CFAP418: variants seen among roughly 807,000 people sequenced by gnomAD.
CFAP418 encodes cilia- and flagella-associated protein 418.
In CFAP418, 27 loss-of-function variants were observed where a neutral mutation model predicts 24.7. That is an observed-to-expected ratio of 1.09 (90% CI 0.81 to 1.51). The LOEUF is 1.51. Ranked by LOEUF, CFAP418 falls within the 40% of genes most tolerant of loss-of-function variation. The probability of loss-of-function intolerance (pLI) is 0.00; values close to 1 mark genes in which losing one functional copy is unlikely to be tolerated. For missense variants in CFAP418, 257 were observed against 255.2 expected, an observed-to-expected ratio of 1.01 and a Z score of -0.05; for synonymous variants, 74 against 87.3, an observed-to-expected ratio of 0.85 and a Z score of 0.85.
At chr8:95,253,704 A>G (rs1293360183) in intron 4 of CFAP418, among the ~76,000 whole-genome samples, 1 of 152,236 alleles carries the variant, frequency 6.6e-6, no homozygotes, top group Non-Finnish European at 1.5e-5. Context: ...ATGAAGTTGC[A>G]TTTCTACATT....
intron 2 of CFAP418, among the ~76,000 whole-genome samples, chr8:95,260,776 C>A (rs1202530894): frequency 6.6e-6 from 1 of 152,038 alleles, no homozygotes. Context: ...TGATATATTG[C>A]CATTATTAGC....
intron 3 of CFAP418, 141 bp from the exon 4 acceptor site, chr8:95,260,046 C>A (rs766299809): frequency 3.0e-5 from 19 of 625,648 alleles, no homozygotes; most frequent in Non-Finnish European, 4.4e-5. Flanking sequence ...AGCAAGCCAA[C>A]CATTTCAAAG....
chr8:95,262,093 A>C (rs533094187), intron 2 of CFAP418, among the ~76,000 whole-genome samples: 1 of 152,278 alleles, frequency 6.6e-6, no homozygotes, highest in East Asian at 1.9e-4. Context: ...AAGGATCAAA[A>C]ATACAGTATT....
At chr8:95,248,451 C>T (rs1333113719) in intron 5 of CFAP418, among the ~76,000 whole-genome samples, 1 of 152,100 alleles carries the variant, frequency 6.6e-6, no homozygotes, top group Admixed American at 6.5e-5. Flanking sequence ...GTTGAGAGAA[C>T]ATTAGAGGCA....
Position 95,252,302 on chromosome 8 carries a change from T to C in CFAP418, c.375-19A>G, listed in dbSNP as rs1040994995. 6 of 1,539,812 alleles carry C rather than the reference T, an allele frequency of 3.9e-6. No homozygotes were observed. Among genetic ancestry groups the C allele is most frequent in the South Asian group, 2.3e-5 (2 of 86,716 alleles). On this transcript the variant is annotated intron_variant, in intron 4 of 5. Transcript: ENST00000286688. The stretch of plus-strand genomic sequence containing the variant: ...ACATGCTCTGTTCAGAGAAAAAAAA[T>C]TGTATATTAAAGATTATTGGTATCT...
chr8:95,265,160 C>T (rs1016461659), intron 1 of CFAP418, among the ~76,000 whole-genome samples: 1 of 152,000 alleles, frequency 6.6e-6, no homozygotes, highest in African/African-American at 2.4e-5. Context: ...TTGTATATTG[C>T]AGGACATTTT....
At chr8:95,259,628 A>C (rs2132161146) in intron 4 of CFAP418, among the ~76,000 whole-genome samples, 2 of 152,268 alleles carry the variant, frequency 1.3e-5, no homozygotes, top group South Asian at 4.2e-4. Context: ...TGGGGCTTAG[A>C]AAAGGGCATA....
intron 4 of CFAP418, among the ~76,000 whole-genome samples, chr8:95,255,807 T>C (rs567398670): frequency 6.6e-6 from 1 of 152,362 alleles, no homozygotes; most frequent in Admixed American, 6.5e-5. Flanking sequence ...TAAGTCAATA[T>C]GCATATATAA....
At chr8:95,253,277 T>C in intron 4 of CFAP418, among the ~76,000 whole-genome samples, 1 of 150,630 alleles carries the variant, frequency 6.6e-6, no homozygotes, top group Admixed American at 6.6e-5. Context: ...GCCACTGCAC[T>C]CCAGCCTGGG....
At chr8:95,261,448 T>C (rs1811890283) in intron 2 of CFAP418, among the ~76,000 whole-genome samples, 1 of 152,146 alleles carries the variant, frequency 6.6e-6, no homozygotes, top group Admixed American at 6.5e-5. Flanking sequence ...AGGTTTGTTG[T>C]TGGTTCCTGG....
chr8:95,256,294 A>G (rs1231037353), intron 4 of CFAP418, among the ~76,000 whole-genome samples: 1 of 152,254 alleles, frequency 6.6e-6, no homozygotes, highest in Non-Finnish European at 1.5e-5. Context: ...ATAAAATGGA[A>G]AACTAGTAGT....
intron 1 of CFAP418, among the ~76,000 whole-genome samples, chr8:95,266,294 T>C (rs922231177): frequency 1.3e-5 from 2 of 152,214 alleles, no homozygotes; most frequent in African/African-American, 4.8e-5. Flanking sequence ...TGAACCACTT[T>C]ATTCCTATTG....
At chr8:95,254,269 C>T (rs1418674486) in intron 4 of CFAP418, among the ~76,000 whole-genome samples, 1 of 152,206 alleles carries the variant, frequency 6.6e-6, no homozygotes, top group Non-Finnish European at 1.5e-5. Context: ...ATTCTCTCCC[C>T]TTTTCCACCA....
intron 2 of CFAP418, among the ~76,000 whole-genome samples, chr8:95,263,477 C>T (rs1396152236): frequency 6.6e-6 from 1 of 152,140 alleles, no homozygotes; most frequent in African/African-American, 2.4e-5. Context: ...ATTTGTTATT[C>T]TTACTGAGAA....
intron 4 of CFAP418, among the ~76,000 whole-genome samples, chr8:95,259,341 T>C (rs1288229549): frequency 6.6e-6 from 1 of 152,098 alleles, no homozygotes; most frequent in Non-Finnish European, 1.5e-5. Flanking sequence ...CAGAAAGAGG[T>C]ACTGAGTGAG....
intron 5 of CFAP418, among the ~76,000 whole-genome samples, chr8:95,249,493 T>C (rs1051123132): frequency 6.6e-6 from 1 of 152,096 alleles, no homozygotes; most frequent in African/African-American, 2.4e-5. Flanking sequence ...TGAGACCCCA[T>C]CTCTACAAAA....
At chr8:95,266,335 T>A (rs568648146) in intron 1 of CFAP418, among the ~76,000 whole-genome samples, 26 of 152,210 alleles carry the variant, frequency 1.7e-4, no homozygotes, top group African/African-American at 4.8e-4. Context: ...CAGTCTTTTT[T>A]AATTTTTTTA....
intron 4 of CFAP418, among the ~76,000 whole-genome samples, chr8:95,253,633 T>C (rs1297289216): frequency 6.6e-6 from 1 of 152,252 alleles, no homozygotes; most frequent in African/African-American, 2.4e-5. Flanking sequence ...TAATGAAACA[T>C]TTAAAACCTA....
intron 4 of CFAP418, among the ~76,000 whole-genome samples, chr8:95,258,436 T>C (rs900503848): frequency 3.4e-5 from 5 of 147,246 alleles, no homozygotes; most frequent in African/African-American, 1.2e-4. Flanking sequence ...AAAAAGCTTA[T>C]AGAATAAGGA....
Sources: gnomAD v4.1 joint callset for allele counts (sites outside exome capture counted in the v4.1 genomes callset) on GRCh38, gnomAD v4.1.1 for gene constraint, MANE v1.5 for transcripts, NCBI Gene and HGNC (gene_info 2026-07-23, HGNC 2026-07-21) for gene names.